Variants in CABIN1 observed in about 807,000 individuals in gnomAD.
CABIN1 encodes calcineurin binding protein 1.
Under a neutral mutation model 227.7 loss-of-function variants are expected in CABIN1, and 133 were observed. The observed-to-expected ratio is 0.58, with a 90% CI of 0.51 to 0.67. CABIN1 has a LOEUF of 0.67. Among genes scored for constraint, CABIN1 ranks in the 30% least tolerant of loss-of-function variants. CABIN1 has a pLI of 0.00. For missense variants in CABIN1, 2,408 were observed against 2,852.5 expected (o/e 0.84, Z 3.55); for synonymous variants, 1,086 against 1,155.1 (o/e 0.94, Z 1.21).
At chr22:24,098,377 T>C (rs2042019870) in intron 26 of CABIN1, 185 bp downstream of exon 26, 3 of 1,331,798 alleles carry the variant, frequency 2.3e-6, no homozygotes, top group African/African-American at 1.4e-5. Flanking sequence ...TTCCGAGACA[T>C]GCTCAGGGTC....
At chr22:24,158,356 G>T (rs1378525697) in intron 29 of CABIN1, among the ~76,000 whole-genome samples, 1 of 152,186 alleles carries the variant, frequency 6.6e-6, no homozygotes, top group Non-Finnish European at 1.5e-5. Context: ...TTGAAGAGAG[G>T]GAGAAAAGCT....
chr22:24,072,622 C>A, intron 18 of CABIN1, 112 bp downstream of exon 18: 2 of 1,267,372 alleles, frequency 1.6e-6, no homozygotes, highest in Non-Finnish European at 2.3e-6. Context: ...GGGCTCAGTC[C>A]TCTCAATCCC....
rs756352023 is a variant in CABIN1, at chr22:24,178,058, C to T, written c.6525C>T (p.Ala2175=). ...SEETKQKLKS[A]ILSAQSAANV... Reference sequence around the variant, plus strand: ...CCGCCCGGCCCTCTCCGCAGTCAGCCATCCTTTCTGCCCAGTCTGCTGCCA... The same window carrying T: ...CCGCCCGGCCCTCTCCGCAGTCAGCTATCCTTTCTGCCCAGTCTGCTGCCA... Residue 2175 remains alanine (A), a synonymous_variant, in exon 37 of 37, where the codon GCC becomes GCT. Transcript: ENST00000263119. 6.2e-7 allele frequency: 1 copy of T among 1,613,728 alleles called. No individual in the cohort carries two copies. The highest frequency in any genetic ancestry group is 1.1e-5 in the South Asian group (1 of 91,080).
In CABIN1 at chr22:24,125,653, C is replaced by T. The variant is rs184775171; in HGVS notation, c.4632+5955C>T. On this transcript the variant is annotated intron_variant, in intron 28 of 36. Transcript: ENST00000263119. ...CATGCTGGCCACAAAGCAGGGTGTT[C>T]GCCTGCCTTTAACCTTTGCTCCCTT... is the stretch of plus-strand genomic sequence containing the variant. Among the ~76,000 whole-genome samples the T allele has an allele frequency of 6.6e-5, 10 of 152,296 alleles. No individual in the cohort carries two copies. In the South Asian group the frequency reaches 1.0e-3, roughly 16 times the overall value.
chr22:24,085,054 G>T lies in CABIN1; in HGVS notation c.3166G>T (p.Glu1056Ter). 1 of 1,614,182 alleles carries T rather than the reference G, an allele frequency of 6.2e-7. No individual in the cohort carries two copies. The change falls in exon 22 of 37, where the codon GAG (glutamate) becomes TAG (stop). Residue 1056 changes from glutamate (E) to a stop codon, truncating the protein, a stop_gained. Transcript: ENST00000263119. LOFTEE classifies it high-confidence loss of function. ...TGACCCCTCCCCTCCAGTGGTGAAC[G>T]AGCTTTACTACCTCCTGGCTGATTA... ...GADPSPPVVN[E>*]LYYLLADYHF...
chr22:24,087,747 C>T (rs1569193861), intron 23 of CABIN1, 34 bp downstream of exon 23: 2 of 1,612,022 alleles, frequency 1.2e-6, no homozygotes, highest in Admixed American at 1.7e-5. Flanking sequence ...GGCTTGCCAT[C>T]CTTCTGTCCA....
intron 29 of CABIN1, among the ~76,000 whole-genome samples, chr22:24,153,741 G>T (rs1232058611): frequency 6.6e-6 from 1 of 152,102 alleles, no homozygotes; most frequent in Non-Finnish European, 1.5e-5. Context: ...CTGGGAGGGG[G>T]ACCAAGGAAG....
At position 24,012,737 on chromosome 22, in the gene CABIN1, T is replaced by A. The variant is rs975226440; in HGVS notation, c.-75+1370T>A. Among the ~76,000 whole-genome samples the A allele has an allele frequency of 4.6e-5, 7 of 152,216 alleles. 1 individual carries two copies. Among genetic ancestry groups the A allele is most frequent in the Non-Finnish European group, 1.0e-4 (7 of 68,040 alleles). On this transcript the variant is annotated intron_variant, in intron 1 of 36. Transcript: ENST00000263119. ...TGGGAGTCAGAAATGAATAGATATT[T>A]TTCTTTTTCATGATTATTCAATAGC...
chr22:24,079,057 A>G (rs77958683), intron 19 of CABIN1, among the ~76,000 whole-genome samples: 21 of 152,166 alleles, frequency 1.4e-4, no homozygotes, highest in African/African-American at 5.1e-4. Flanking sequence ...ATTGCTTTAC[A>G]GGGTTCTATT....
At chr22:24,172,022 G>C in intron 34 of CABIN1, 27 bp downstream of exon 34, 1 of 1,599,510 alleles carries the variant, frequency 6.3e-7, no homozygotes, top group Middle Eastern at 1.7e-4. Flanking sequence ...TCCAGAGCTG[G>C]GCCCAGGCCC....
rs2041271542 is a variant in CABIN1 at position 24,087,864 on chromosome 22, C to T, written c.3525+151C>T. 5.7e-6 allele frequency: 6 copies of T among 1,061,458 alleles called. No individual in the cohort carries two copies. In the Admixed American group the frequency reaches 1.3e-4, roughly 23 times the overall value. 65.8% of individuals were successfully genotyped at this position (1,061,458 alleles called of 1,614,324 possible). On this transcript the variant is annotated intron_variant, in intron 23 of 36. Coordinates refer to ENST00000263119, the MANE Select transcript of CABIN1 (RefSeq NM_012295.4). ...ACGAATCTCCCCATGAGGCTTAAGC[C>T]ATACCATGGTCAGTGACAACTTGGT...
chr22:24,170,804 C>T (rs538936507), intron 33 of CABIN1, among the ~76,000 whole-genome samples: 1 of 140,336 alleles, frequency 7.1e-6, no homozygotes, highest in South Asian at 2.6e-4. Context: ...GCGTGTGACT[C>T]TCCCACACTC....
intron 33 of CABIN1, among the ~76,000 whole-genome samples, chr22:24,169,238 A>G (rs1408586543): frequency 6.6e-6 from 1 of 152,068 alleles, no homozygotes; most frequent in Admixed American, 6.5e-5. Context: ...CCTGTCTAAA[A>G]CATAAGCCTC....
At chr22:24,095,459 C>G (rs774756364) in intron 24 of CABIN1, among the ~76,000 whole-genome samples, 2 of 107,142 alleles carry the variant, frequency 1.9e-5, no homozygotes, top group Admixed American at 1.5e-4. Context: ...AAGACGTTTT[C>G]GAGGCCTGTG....
intron 34 of CABIN1, among the ~76,000 whole-genome samples, chr22:24,172,420 C>T (rs2046871958): frequency 6.6e-6 from 1 of 152,204 alleles, no homozygotes; most frequent in Non-Finnish European, 1.5e-5. Context: ...GCTGCAAGGC[C>T]ACTGGTATCC....
intron 29 of CABIN1, among the ~76,000 whole-genome samples, chr22:24,142,118 C>G (rs1211275666): frequency 6.6e-6 from 1 of 152,066 alleles, no homozygotes; most frequent in Non-Finnish European, 1.5e-5. Context: ...CTCCCTGCAC[C>G]CAGTGAGCAG....
chr22:24,103,266 C>G (rs956494946), intron 26 of CABIN1: 4 of 152,128 alleles, frequency 2.6e-5, no homozygotes, highest in Non-Finnish European at 5.9e-5. Flanking sequence ...CCACTGCCCC[C>G]CTGCCTGCAC....
chr22:24,078,786 G>A (rs550083548), intron 19 of CABIN1, among the ~76,000 whole-genome samples: 19 of 152,140 alleles, frequency 1.2e-4, no homozygotes, highest in African/African-American at 4.1e-4. Flanking sequence ...TTTGTCTTCT[G>A]ATAAAAATAA....
chr22:24,122,222 A>G (rs2043458443), intron 28 of CABIN1, among the ~76,000 whole-genome samples: 1 of 152,112 alleles, frequency 6.6e-6, no homozygotes, highest in African/African-American at 2.4e-5. Context: ...GTCAAAATTA[A>G]AAGTTGGAGG....
Sources: gnomAD v4.1 joint callset for allele counts (sites outside exome capture counted in the v4.1 genomes callset) on GRCh38, gnomAD v4.1.1 for gene constraint, MANE v1.5 for transcripts, NCBI Gene and HGNC (gene_info 2026-07-23, HGNC 2026-07-21) for gene names.